Variants in LARGE1 observed in about 807,000 individuals in gnomAD.
The protein encoded by LARGE1 is xylosyl- and glucuronyltransferase LARGE1.
A neutral mutation model predicts 87.6 loss-of-function variants in LARGE1; 43 were observed. That is an observed-to-expected ratio of 0.49 (90% confidence interval 0.38 to 0.63). LARGE1 has a LOEUF of 0.63. Among genes scored for constraint, LARGE1 ranks in the 30% least tolerant of loss-of-function variants. LARGE1 has a pLI of 0.00. For synonymous variants in LARGE1, 434 were observed against 394.6 expected, an observed-to-expected ratio of 1.10 and a Z score of -1.18; for missense variants, 802 against 1,000.2, an observed-to-expected ratio of 0.80 and a Z score of 2.67.
rs80073626 is a variant in LARGE1 at position 33,835,623 on chromosome 22, C to T, written c.-82-74065G>A. 1.8e-3 allele frequency among the ~76,000 whole-genome samples: 273 copies of T among 152,324 alleles called. 3 individuals carry two copies. Among genetic ancestry groups the T allele is most frequent in the Non-Finnish European group, 3.4e-3 (229 of 68,038 alleles). On this transcript the variant is annotated intron_variant, in intron 1 of 14. Transcript: ENST00000397394. Reference sequence around the variant, plus strand: ...GCTAAAGACTTGCTGGCACTAACTGCGGCCTATTTGGAAAGTCGTTATAAC... The same window carrying T: ...GCTAAAGACTTGCTGGCACTAACTGTGGCCTATTTGGAAAGTCGTTATAAC...
At chr22:33,706,800 A>G (rs183463738) in intron 2 of LARGE1, among the ~76,000 whole-genome samples, 166 of 152,296 alleles carry the variant, frequency 1.1e-3, no homozygotes, top group Non-Finnish European at 2.1e-3. Context: ...AGGCAGGTAC[A>G]ATCTCAAATT....
At chr22:33,672,914 G>A (rs149813882) in intron 2 of LARGE1, among the ~76,000 whole-genome samples, 12 of 152,244 alleles carry the variant, frequency 7.9e-5, no homozygotes, top group Non-Finnish European at 1.8e-4. Context: ...GAGGACAATC[G>A]ATTGCCCAAA....
chr22:33,905,472 G>C (rs1019509223), intron 1 of LARGE1, among the ~76,000 whole-genome samples: 2 of 152,092 alleles, frequency 1.3e-5, no homozygotes, highest in Non-Finnish European at 2.9e-5. Flanking sequence ...ACAATTTTCA[G>C]CATATTGTAA....
chr22:33,753,540 G>GT lies in LARGE1; in HGVS notation c.106+7830dup, dbSNP rs1025932044. ...GGAACTGTAAGATAATAAATGTATGGTTTTTTTTTAAGCCACTAAGTTTGT... is the reference window on the plus strand; with the variant it reads ...GGAACTGTAAGATAATAAATGTATGGTTTTTTTTTTAAGCCACTAAGTTTGT... On this transcript the variant is annotated intron_variant, in intron 2 of 14. Coordinates refer to ENST00000397394, the MANE Select transcript of LARGE1 (RefSeq NM_133642.5). Among the ~76,000 whole-genome samples, 1,017 of 151,420 alleles carry GT rather than the reference G, an allele frequency of 6.7e-3. 9 individuals are homozygous for GT. Among genetic ancestry groups the GT allele is most frequent in the African/African-American group, 0.022 (925 of 41,238 alleles).
At chr22:33,264,388 G>C (rs1927809806) in intron 11 of LARGE1, among the ~76,000 whole-genome samples, 1 of 152,378 alleles carries the variant, frequency 6.6e-6, no homozygotes, top group East Asian at 1.9e-4. Context: ...TAGGTTTGTA[G>C]TGGCTCACGC....
At chr22:33,536,823 T>A (rs2077057337) in intron 6 of LARGE1, among the ~76,000 whole-genome samples, 1 of 152,178 alleles carries the variant, frequency 6.6e-6, no homozygotes, top group Non-Finnish European at 1.5e-5. Context: ...TATTTACTTA[T>A]TTTTTGAGAC....
intron 12 of LARGE1, among the ~76,000 whole-genome samples, chr22:33,297,157 CT>C (rs779799228): frequency 6.6e-6 from 1 of 152,162 alleles, no homozygotes; most frequent in Non-Finnish European, 1.5e-5. Flanking sequence ...CATGTCTGCA[CT>C]CATTCAACAA....
intron 6 of LARGE1, among the ~76,000 whole-genome samples, chr22:33,491,409 C>A (rs971622936): frequency 3.3e-5 from 5 of 152,142 alleles, no homozygotes; most frequent in East Asian, 1.9e-4. Context: ...GAGGGTCAGA[C>A]AGAACCTCTG....
chr22:33,801,731 C>T (rs556646149), intron 1 of LARGE1, among the ~76,000 whole-genome samples: 102 of 152,204 alleles, frequency 6.7e-4, no homozygotes, highest in African/African-American at 2.4e-3. Context: ...TTTTGTTTTA[C>T]GAATTGTGCT....
intron 5 of LARGE1, among the ~76,000 whole-genome samples, chr22:33,566,638 G>T (rs1233496280): frequency 6.6e-6 from 1 of 152,162 alleles, no homozygotes. Context: ...AAGGGAAGCC[G>T]AGAGGGATGC....
At chr22:33,143,725 G>C in the LARGE1 span, among the ~76,000 whole-genome samples, 64,065 of 151,900 alleles carry the variant, frequency 0.42, 13,969 homozygotes, top group South Asian at 0.68. Context: ...AGAAAGAGTA[G>C]AAGCCAAATC....
chr22:33,440,500 G>A (rs903853516), intron 6 of LARGE1, among the ~76,000 whole-genome samples: 1 of 152,210 alleles, frequency 6.6e-6, no homozygotes, highest in Non-Finnish European at 1.5e-5. Flanking sequence ...ACCAGAGGCT[G>A]CCCTGACTGT....
At chr22:33,068,281 T>A in the LARGE1 span, among the ~76,000 whole-genome samples, 4 of 152,272 alleles carry the variant, frequency 2.6e-5, no homozygotes, top group Non-Finnish European at 4.4e-5. Flanking sequence ...GAAATGGAAA[T>A]TCTTCTTCTT....
rs1020608604 is a variant in LARGE1 at position 33,247,076 on chromosome 22, T to A, written c.1730+57153A>T. Among the ~76,000 whole-genome samples the A allele has an allele frequency of 7.5e-5, 11 of 147,490 alleles. No homozygotes were observed. In the South Asian group the frequency reaches 1.9e-3, roughly 25 times the overall value. On this transcript the variant is annotated intron_variant, in intron 11 of 11. Coordinates refer to the LARGE1 transcript ENST00000608642. ...GTGTGTGTGTGTGTGTGTGTGTGTG[T>A]GTGTGTGTGTTGTATCTTTTCAGTG...
Position 33,407,707 on chromosome 22 carries a change from C to T in LARGE1, c.893-23403G>A, listed in dbSNP as rs116624041. ...GCAAGATCCTAACCAAGTCTGCTCC[C>T]GAGACCATGCTTTCTGCTATGCTGT... is the stretch of plus-strand genomic sequence containing the variant. On this transcript the variant is annotated intron_variant, in intron 7 of 14. Coordinates refer to ENST00000397394, the MANE Select transcript of LARGE1 (RefSeq NM_133642.5). 9.0e-3 allele frequency among the ~76,000 whole-genome samples: 1,363 copies of T among 152,240 alleles called. 18 individuals are homozygous for T. Among genetic ancestry groups the T allele is most frequent in the African/African-American group, 0.031 (1,279 of 41,556 alleles).
At chr22:33,536,759 A>T (rs556902095) in intron 6 of LARGE1, among the ~76,000 whole-genome samples, 6 of 152,236 alleles carry the variant, frequency 3.9e-5, no homozygotes, top group Non-Finnish European at 7.3e-5. Context: ...CACATGAGGA[A>T]ACTGAGGCTT....
chr22:33,331,772 G>A (rs1027055430), intron 10 of LARGE1, among the ~76,000 whole-genome samples: 9 of 152,004 alleles, frequency 5.9e-5, no homozygotes, highest in Non-Finnish European at 1.2e-4. Flanking sequence ...GCAGGTCCTC[G>A]AGTGATCATG....
At chr22:33,542,388 C>T (rs1019396756) in intron 6 of LARGE1, among the ~76,000 whole-genome samples, 14 of 151,854 alleles carry the variant, frequency 9.2e-5, no homozygotes, top group Admixed American at 2.6e-4. Context: ...TGTCTCCATT[C>T]CTGCCTTGGA....
At chr22:33,381,313 A>T (rs753906534) in intron 9 of LARGE1, among the ~76,000 whole-genome samples, 1 of 152,200 alleles carries the variant, frequency 6.6e-6, no homozygotes, top group Non-Finnish European at 1.5e-5. Context: ...TAGATGACTA[A>T]TATACCCTGT....
Sources: gnomAD v4.1 joint callset for allele counts (sites outside exome capture counted in the v4.1 genomes callset) on GRCh38, gnomAD v4.1.1 for gene constraint, MANE v1.5 for transcripts, NCBI Gene and HGNC (gene_info 2026-07-23, HGNC 2026-07-21) for gene names.